The following KCNC2 variants were observed in gnomAD, a reference collection of about 807,000 sequenced individuals.
KCNC2 encodes the protein voltage-gated potassium channel KCNC2.
A neutral mutation model predicts 44.5 loss-of-function variants in KCNC2; 21 were observed. The ratio of observed to expected loss-of-function variants is 0.47; its 90% CI spans 0.33 to 0.68. The LOEUF is 0.68. Among genes scored for constraint, KCNC2 ranks in the 30% least tolerant of loss-of-function variants. The pLI is 0.01. For synonymous variants in KCNC2, 391 were observed against 339.1 expected (o/e 1.15, Z -1.68); for missense variants, 589 against 826.2 (o/e 0.71, Z 3.52).
rs191725170 is a variant in KCNC2, at chr12:75,132,053, G to A, written c.687+75244C>T. The stretch of plus-strand genomic sequence containing the variant: ...AAAATTTACTAATTTTACACAAGTT[G>A]GTCAAATTTTACAGCTGAGTATAAT... On this transcript the variant is annotated intron_variant, in intron 2 of 4. Transcript: ENST00000549446. Among the ~76,000 whole-genome samples the A allele has an allele frequency of 2.0e-5, 3 of 152,116 alleles. No individual in the cohort carries two copies. In the East Asian group the frequency reaches 5.8e-4, roughly 29 times the overall value.
chr12:75,193,444 A>G (rs1447386231), intron 2 of KCNC2, among the ~76,000 whole-genome samples: 1 of 152,144 alleles, frequency 6.6e-6, no homozygotes, highest in Non-Finnish European at 1.5e-5. Flanking sequence ...GGAGCTGGCT[A>G]TGGGACAACT....
chr12:75,095,400 A>G (rs992300711), intron 2 of KCNC2, among the ~76,000 whole-genome samples: 2 of 151,672 alleles, frequency 1.3e-5, no homozygotes, highest in African/African-American at 4.8e-5. Context: ...GAAGCCCCAC[A>G]TTTTGCATTT....
At chr12:75,085,702 T>C (rs897331630) in intron 2 of KCNC2, among the ~76,000 whole-genome samples, 1 of 152,094 alleles carries the variant, frequency 6.6e-6, no homozygotes, top group African/African-American at 2.4e-5. Flanking sequence ...ATAGATGCTC[T>C]AGGGTGTTGT....
chr12:75,077,048 T>C (rs1485517009), intron 2 of KCNC2, among the ~76,000 whole-genome samples: 1 of 152,222 alleles, frequency 6.6e-6, no homozygotes, highest in African/African-American at 2.4e-5. Flanking sequence ...TTCATACAGC[T>C]AATCAATGGT....
intron 1 of KCNC2, 68 bp from the exon 2 acceptor site, chr12:75,208,070 C>T: frequency 6.4e-7 from 1 of 1,573,816 alleles, no homozygotes; most frequent in Non-Finnish European, 8.6e-7. Flanking sequence ...TGACCCCCAC[C>T]ACCAACCCAG....
At chr12:75,092,018 A>G (rs915757861) in intron 2 of KCNC2, among the ~76,000 whole-genome samples, 2 of 151,636 alleles carry the variant, frequency 1.3e-5, no homozygotes, top group African/African-American at 4.8e-5. Context: ...GGATCATTCT[A>G]TTATAACCAT....
At chr12:75,162,916 T>C (rs540507412) in intron 2 of KCNC2, among the ~76,000 whole-genome samples, 7 of 151,804 alleles carry the variant, frequency 4.6e-5, no homozygotes, top group Admixed American at 2.0e-4. Flanking sequence ...GCTTCCTCTT[T>C]ATTTCCTGTA....
intron 2 of KCNC2, among the ~76,000 whole-genome samples, chr12:75,184,092 G>A (rs369780648): frequency 1.5e-4 from 23 of 151,908 alleles, no homozygotes; most frequent in African/African-American, 5.1e-4. Context: ...CATCTCCTCC[G>A]CTTGATTAGA....
In KCNC2 at chr12:75,118,658, A is replaced by G. The variant is rs11180372; in HGVS notation, c.688-67341T>C. On this transcript the variant is annotated intron_variant, in intron 2 of 4. Transcript: ENST00000549446. ...CTGGGCATTAGAGGTCATGGTAAAG[A>G]AAACAGATTTTATTCTAGTTAAGAA... Among the ~76,000 whole-genome samples, 1,489 of 152,276 alleles carry G rather than the reference A, an allele frequency of 9.8e-3. 32 individuals are homozygous for G. The highest frequency in any genetic ancestry group is 0.034 in the African/African-American group (1,407 of 41,554).
intron 2 of KCNC2, among the ~76,000 whole-genome samples, chr12:75,060,520 C>T (rs568278968): frequency 1.3e-4 from 20 of 152,134 alleles, no homozygotes; most frequent in African/African-American, 4.8e-4. Context: ...AGTTAGAGTG[C>T]AGTGGTGAAA....
intron 2 of KCNC2, among the ~76,000 whole-genome samples, chr12:75,108,582 G>A (rs954973134): frequency 6.6e-6 from 1 of 152,118 alleles, no homozygotes; most frequent in Non-Finnish European, 1.5e-5. Flanking sequence ...TGTTTACCAT[G>A]AATAAGCCTT....
intron 2 of KCNC2, among the ~76,000 whole-genome samples, chr12:75,182,522 AAAAAAAAAAAAAAAACAAAAAAAAC>A (rs1395145232): frequency 2.0e-5 from 1 of 50,960 alleles, no homozygotes; most frequent in African/African-American, 2.4e-4. Context: ...TTCCGTCTCA[AAAAAAAAAAAAAAAACAAAAAAAAC>A]AAAAAAAAAC....
chr12:75,092,936 T>G (rs1212665120), intron 2 of KCNC2, among the ~76,000 whole-genome samples: 3 of 151,546 alleles, frequency 2.0e-5, no homozygotes, highest in African/African-American at 7.3e-5. Context: ...AATCTGTTCA[T>G]CACTAATCTT....
At chr12:75,045,563 G>A (rs1465843822) in intron 4 of KCNC2, among the ~76,000 whole-genome samples, 1 of 151,700 alleles carries the variant, frequency 6.6e-6, no homozygotes, top group Non-Finnish European at 1.5e-5. Context: ...TACTCGAATG[G>A]CTAAAAATAT....
At chr12:75,189,457 C>A (rs1028185890) in intron 2 of KCNC2, among the ~76,000 whole-genome samples, 1 of 152,134 alleles carries the variant, frequency 6.6e-6, no homozygotes. Flanking sequence ...GCAGTAGAAG[C>A]CTTTGGGGTC....
At chr12:75,058,399 C>G (rs918706454) in intron 2 of KCNC2, among the ~76,000 whole-genome samples, 13 of 152,046 alleles carry the variant, frequency 8.6e-5, no homozygotes, top group African/African-American at 2.6e-4. Context: ...ATGAACTGCT[C>G]TACCACCATC....
Position 75,050,868 on chromosome 12 carries a change from A to T in KCNC2, c.1137T>A (p.Thr379=). ...RVLGHTLRAS[T]NEFLLLIIFL... ...AAATTATCAGCAGCAAAAATTCATT[A>T]GTACTAGCTCGAAGAGTATGTCCAA... The change falls in exon 3 of 5, where the codon ACT becomes ACA. Residue 379 remains threonine (T), a synonymous_variant. Transcript: ENST00000549446. 1 of 1,613,592 alleles carries T rather than the reference A, an allele frequency of 6.2e-7. No homozygotes were observed. The highest frequency in any genetic ancestry group is 2.2e-5 in the East Asian group (1 of 44,832).
At chr12:75,105,870 T>G (rs1278696112) in intron 2 of KCNC2, among the ~76,000 whole-genome samples, 2 of 151,966 alleles carry the variant, frequency 1.3e-5, no homozygotes, top group African/African-American at 2.4e-5. Context: ...ATCTAGGTTT[T>G]GGGGAAGAGG....
intron 2 of KCNC2, among the ~76,000 whole-genome samples, chr12:75,081,002 T>C (rs1884448188): frequency 1.3e-5 from 2 of 152,250 alleles, no homozygotes; most frequent in South Asian, 4.1e-4. Flanking sequence ...AGATTCCTTC[T>C]GGAAATAGTA....
Sources: allele counts gnomAD v4.1 joint callset (sites outside exome capture counted in the v4.1 genomes callset), GRCh38; gene constraint gnomAD v4.1.1; transcripts MANE v1.5; gene names NCBI Gene and HGNC (gene_info 2026-07-23, HGNC 2026-07-21).